The following ISY1 variants were observed in gnomAD, a reference collection of about 807,000 sequenced individuals.
ISY1 encodes pre-mRNA-splicing factor ISY1 homolog.
ISY1 carries 12 observed loss-of-function variants against 54.4 expected under a neutral mutation model. The observed-to-expected ratio is 0.22, with a 90% CI of 0.14 to 0.36. The LOEUF is 0.36. Ranked by LOEUF, ISY1 falls within the 10% of genes least tolerant of loss-of-function variation. The pLI, the probability that ISY1 is intolerant of heterozygous loss-of-function variation, is 1.00. For synonymous variants in ISY1, 96 were observed against 117.9 expected (o/e 0.81, Z 1.20); for missense variants, 282 against 342.2 (o/e 0.82, Z 1.39).
At chr3:129,151,168 T>TA (rs1296228093) in intron 5 of ISY1, among the ~76,000 whole-genome samples, 1 of 147,306 alleles carries the variant, frequency 6.8e-6, no homozygotes, top group Non-Finnish European at 1.5e-5. Context: ...TATAAATATA[T>TA]AAAAATATAT....
In ISY1 at chr3:129,145,843, A is replaced by C; in HGVS notation, c.218T>G (p.Leu73Arg). Residue 73 changes from leucine (L) to arginine (R), a missense_variant, in exon 6 of 11, where the codon CTG becomes CGG. By Grantham distance (102) the Leu-to-Arg change is moderately radical (BLOSUM62 -2). Transcript: ENST00000393295. ...AGLGEFRIRD[L>R]NDEINKLLRE... ...TAGCAGCTTGTTAATTTCATCATTCAGGTCACGAATTCGAAATTCACCTAA... is the reference window on the plus strand; with the variant it reads ...TAGCAGCTTGTTAATTTCATCATTCCGGTCACGAATTCGAAATTCACCTAA... 1 of 1,614,198 alleles carries C rather than the reference A, an allele frequency of 6.2e-7. No individual in the cohort carries two copies. The highest frequency in any genetic ancestry group is 8.5e-7 in the Non-Finnish European group (1 of 1,180,028).
chr3:129,149,607 AAAAATATAT>A (rs1187292529), intron 5 of ISY1, among the ~76,000 whole-genome samples: 29 of 82,514 alleles, frequency 3.5e-4, no homozygotes, highest in African/African-American at 6.6e-4. Context: ...AAAAAAAAAA[AAAAATATAT>A]ATATATATAT....
At chr3:129,145,999 A>G in intron 5 of ISY1, 126 bp from the exon 6 acceptor site, 1 of 843,698 alleles carries the variant, frequency 1.2e-6, no homozygotes. Context: ...ACATAAAAAC[A>G]CTCATCTAAA....
intron 1 of ISY1, among the ~76,000 whole-genome samples, chr3:129,159,603 T>C (rs958472759): frequency 5.9e-5 from 9 of 152,212 alleles, no homozygotes; most frequent in African/African-American, 1.4e-4. Context: ...GAAGACTGCC[T>C]TTCGTAAAGT....
intron 5 of ISY1, among the ~76,000 whole-genome samples, chr3:129,153,784 TCAAAA>T (rs553614533): frequency 4.0e-5 from 6 of 151,866 alleles, no homozygotes; most frequent in East Asian, 2.0e-4. Flanking sequence ...AGACTCTGTC[TCAAAA>T]CAAAACAAAA....
At chr3:129,155,985 T>C (rs571522520) in intron 5 of ISY1, among the ~76,000 whole-genome samples, 161 of 152,176 alleles carry the variant, frequency 1.1e-3, no homozygotes, top group African/African-American at 3.7e-3. Context: ...CCTCCCAAAG[T>C]GCTGGGATTA....
At chr3:129,151,687 A>G (rs1031855628) in intron 5 of ISY1, among the ~76,000 whole-genome samples, 1 of 152,122 alleles carries the variant, frequency 6.6e-6, no homozygotes, top group African/African-American at 2.4e-5. Flanking sequence ...TTTACTTATT[A>G]TTTTCTAATC....
rs1398931180 is a variant in ISY1 at position 129,129,986 on chromosome 3, C to A, written c.*95G>T. 3.2e-5 allele frequency: 30 copies of A among 932,638 alleles called. No individual in the cohort carries two copies. In the Admixed American group the frequency reaches 7.8e-4, roughly 24 times the overall value. 57.8% of individuals were successfully genotyped at this position (932,638 alleles called of 1,614,324 possible). A position where few individuals can be genotyped will look rare whatever the true frequency, so the allele number is the denominator to read the frequency against. On this transcript the variant is annotated 3_prime_UTR_variant, in exon 11 of 11. Transcript: ENST00000393295. The stretch of plus-strand genomic sequence containing the variant: ...GAGGGAAGGAAGGCTGAGAATGGGG[C>A]AGGAGCCCTTGCAGCACCAGCCTGT...
intron 5 of ISY1, among the ~76,000 whole-genome samples, chr3:129,156,136 T>C (rs1205375905): frequency 6.6e-6 from 1 of 152,064 alleles, no homozygotes; most frequent in Admixed American, 6.6e-5. Context: ...TAGTGGCTCA[T>C]ACCTATAATC....
intron 5 of ISY1, among the ~76,000 whole-genome samples, chr3:129,147,893 TTTTG>T (rs1330505888): frequency 7.9e-5 from 12 of 152,150 alleles, no homozygotes; most frequent in Admixed American, 7.2e-4. Context: ...GTATTTTGAG[TTTTG>T]TTTCTTTCAC....
intron 5 of ISY1, among the ~76,000 whole-genome samples, chr3:129,154,242 CAAA>C (rs777277943): frequency 2.1e-5 from 1 of 47,794 alleles, no homozygotes; most frequent in Non-Finnish European, 4.4e-5. Context: ...GACTCTGTCT[CAAA>C]AAAAAAAAAA....
rs1261296722 is a variant in ISY1, at chr3:129,129,175, C to T, written c.*906G>A. The T allele has an allele frequency of 6.6e-6, 1 of 152,182 alleles. No homozygotes were observed. Among genetic ancestry groups the T allele is most frequent in the Non-Finnish European group, 1.5e-5 (1 of 68,056 alleles). 9.4% of individuals were successfully genotyped at this position (152,182 alleles called of 1,614,324 possible). On this transcript the variant is annotated 3_prime_UTR_variant, in exon 11 of 11. Coordinates refer to ENST00000393295, the MANE Select transcript of ISY1 (RefSeq NM_020701.4). ...GTTGGCCCAGGGAACAAGCTGAAGA[C>T]ATGGAGGTTTCCCTTTCTTATAAAA...
At chr3:129,137,675 C>T (rs1217507473) in intron 7 of ISY1, among the ~76,000 whole-genome samples, 1 of 151,990 alleles carries the variant, frequency 6.6e-6, no homozygotes, top group South Asian at 2.1e-4. Flanking sequence ...CTTTGGGAGG[C>T]CGAGGCGGGC....
At chr3:129,136,956 G>A (rs1336270430) in intron 7 of ISY1, among the ~76,000 whole-genome samples, 6 of 150,394 alleles carry the variant, frequency 4.0e-5, no homozygotes, top group African/African-American at 9.8e-5. Context: ...GTGCAATGGC[G>A]CGATCTCAGT....
At chr3:129,157,044 C>G in intron 3 of ISY1, 124 bp from the exon 4 acceptor site, 1 of 1,032,478 alleles carries the variant, frequency 9.7e-7, no homozygotes, top group Non-Finnish European at 1.4e-6. Flanking sequence ...GTTTTCATTC[C>G]AGATGATCCT....
intron 9 of ISY1, among the ~76,000 whole-genome samples, chr3:129,131,231 G>A (rs181469326): frequency 1.8e-4 from 28 of 152,272 alleles, no homozygotes; most frequent in Middle Eastern, 3.4e-3. Flanking sequence ...CTGGCACTTG[G>A]AGAAACTGGT....
intron 9 of ISY1, among the ~76,000 whole-genome samples, chr3:129,131,689 A>C (rs6767719): frequency 6.6e-6 from 1 of 152,210 alleles, no homozygotes; most frequent in African/African-American, 2.4e-5. Context: ...GCATCATGTT[A>C]AGTGTCAAGG....
chr3:129,144,084 A>G (rs980044570), intron 6 of ISY1: 2 of 380,768 alleles, frequency 5.3e-6, no homozygotes, highest in African/African-American at 2.1e-5. Flanking sequence ...CCACTTTTCT[A>G]GGTGGATTAA....
Position 129,127,797 on chromosome 3 carries a change from G to A in ISY1, c.*2284C>T, listed in dbSNP as rs1336744175. On this transcript the variant is annotated 3_prime_UTR_variant, in exon 11 of 11. Coordinates refer to ENST00000393295, the MANE Select transcript of ISY1 (RefSeq NM_020701.4). ...CACTGAAGGCGTGGAACAGGGCACT[G>A]GAGGAGGAAGACCCAGAGCCCTGGC... 6.6e-6 allele frequency: 1 copy of A among 152,284 alleles called. No individual in the cohort carries two copies. The highest frequency in any genetic ancestry group is 2.4e-5 in the African/African-American group (1 of 41,456). The allele number at this position is 152,284 out of a possible 1,614,324, so 9.4% of individuals were successfully genotyped here.
Sources: gnomAD v4.1 joint callset for allele counts (sites outside exome capture counted in the v4.1 genomes callset) on GRCh38, gnomAD v4.1.1 for gene constraint, MANE v1.5 for transcripts, NCBI Gene and HGNC (gene_info 2026-07-23, HGNC 2026-07-21) for gene names.